The following RIPK3 variants were observed in gnomAD, a reference collection of about 807,000 sequenced individuals.
RIPK3 encodes the protein receptor-interacting serine/threonine-protein kinase 3.
RIPK3 carries 51 observed loss-of-function variants against 51.6 expected under a neutral mutation model. That is an observed-to-expected ratio of 0.99 (90% CI 0.79 to 1.25). RIPK3 has a LOEUF of 1.25. RIPK3 is among the 50% of genes most tolerant of loss of function. The probability of loss-of-function intolerance (pLI) is 0.00; values close to 1 mark genes in which losing one functional copy is unlikely to be tolerated. For missense variants in RIPK3, 654 were observed against 650.4 expected, an observed-to-expected ratio of 1.01 and a Z score of -0.06; for synonymous variants, 246 against 257.7, an observed-to-expected ratio of 0.95 and a Z score of 0.44.
In RIPK3 at chr14:24,337,690, C is replaced by G; in HGVS notation, c.900+5G>C. Reference sequence around the variant, plus strand: ...CTCCTGGGGAGGGGTGATGTTGGCACTCACCGTGGAGACAGCAGCATTCAT... The same window carrying G: ...CTCCTGGGGAGGGGTGATGTTGGCAGTCACCGTGGAGACAGCAGCATTCAT... On this transcript the variant is annotated splice_donor_5th_base_variant and intron_variant, in intron 7 of 9. Coordinates refer to ENST00000216274, the MANE Select transcript of RIPK3 (RefSeq NM_006871.4). 6.2e-7 allele frequency: 1 copy of G among 1,606,728 alleles called. No individual in the cohort carries two copies. Among genetic ancestry groups the G allele is most frequent in the Non-Finnish European group, 8.5e-7 (1 of 1,173,418 alleles).
chr14:24,336,960 G>C lies in RIPK3; in HGVS notation c.1276-15C>G. On this transcript the variant is annotated splice_polypyrimidine_tract_variant and intron_variant, in intron 8 of 9. Transcript: ENST00000216274. ...CTCTCAGCCCCCTGCAAACAGCACA[G>C]AGCATCCAGTTCTGCCCTGGAGCCT... 1.2e-6 allele frequency: 2 copies of C among 1,613,258 alleles called. No individual in the cohort carries two copies. Among genetic ancestry groups the C allele is most frequent in the Non-Finnish European group, 1.7e-6 (2 of 1,179,416 alleles).
chr14:24,338,341 C>A (rs746521654), intron 4 of RIPK3, 46 bp from the exon 5 acceptor site: 2 of 1,543,066 alleles, frequency 1.3e-6, no homozygotes, highest in Admixed American at 2.0e-5. Context: ...ACTGGCAAGA[C>A]TCCTTTCCTA....
chr14:24,338,234 C>G lies in RIPK3; in HGVS notation c.664+15G>C, dbSNP rs765518475. ...ACCTGGGGTTAAGGATCCCAGAATC[C>G]TCCTAGAGTCTTACACTCAACTTCT... On this transcript the variant is annotated intron_variant, in intron 5 of 9. Coordinates refer to ENST00000216274, the MANE Select transcript of RIPK3 (RefSeq NM_006871.4). 2.0e-6 allele frequency: 3 copies of G among 1,529,330 alleles called. No individual in the cohort carries two copies. Among genetic ancestry groups the G allele is most frequent in the Non-Finnish European group, 1.8e-6 (2 of 1,139,044 alleles). The allele number at this position is 1,529,330 out of a possible 1,614,324, so 94.7% of individuals were successfully genotyped here. A position where few individuals can be genotyped will look rare whatever the true frequency, so the allele number is the denominator to read the frequency against.
At position 24,338,419 on chromosome 14, in the gene RIPK3, T is replaced by C. The variant is rs2042157325; in HGVS notation, c.617+3A>G. On this transcript the variant is annotated splice_donor_region_variant and intron_variant, in intron 4 of 9. Transcript: ENST00000216274. Reference sequence around the variant, plus strand: ...GGCTGTGTGTTTGGGCCGGGATCCTTACCTGTAGACGTCACTGGCTGTGGA... The same window carrying C: ...GGCTGTGTGTTTGGGCCGGGATCCTCACCTGTAGACGTCACTGGCTGTGGA... The C allele has an allele frequency of 6.2e-7, 1 of 1,609,970 alleles. No homozygotes were observed. The highest frequency in any genetic ancestry group is 2.2e-5 in the East Asian group (1 of 44,766).
intron 9 of RIPK3, 145 bp from the exon 10 acceptor site, chr14:24,336,540 A>C: frequency 8.4e-7 from 1 of 1,190,730 alleles, no homozygotes; most frequent in East Asian, 2.5e-5. Context: ...TCCTCTCCAG[A>C]ATTGTGTTAG....
chr14:24,337,113 T>C lies in RIPK3; in HGVS notation c.1248A>G (p.Thr416=). 1 of 1,611,148 alleles carries C rather than the reference T, an allele frequency of 6.2e-7. No homozygotes were observed. The highest frequency in any genetic ancestry group is 8.5e-7 in the Non-Finnish European group (1 of 1,180,012). ...NQMPSPTSTG[T]PSPGPRGNQG... ...GATTCCCTCGGGGTCCAGGACTTGG[T>C]GTTCCAGTTGAGGTAGGGCTGGGCA... The change falls in exon 8 of 10, where the codon ACA becomes ACG. Residue 416 remains threonine, a synonymous_variant. Transcript: ENST00000216274.
Position 24,339,068 on chromosome 14 carries a change from G to A in RIPK3, c.418C>T (p.His140Tyr), listed in dbSNP as rs748258701. ...ACGTTGGATGGCTTGAGGTCCCGGT[G>A]CAGGAGCACCGGGTTCTGGTCGTGC... ...YLHDQNPVLL[H>Y]RDLKPSNVLL... The change falls in exon 3 of 10, where the codon CAC becomes TAC. Residue 140 changes from histidine (H) to tyrosine (Y), a missense_variant. By Grantham distance (83) the His-to-Tyr change is moderately conservative. Transcript: ENST00000216274. This position sits in a 1 kb window ranked among gnomAD's most constrained non-coding sequence, Gnocchi z 4.0. The A allele has an allele frequency of 1.2e-6, 2 of 1,614,206 alleles. No individual in the cohort carries two copies. Among genetic ancestry groups the A allele is most frequent in the Admixed American group, 3.3e-5 (2 of 60,032 alleles).
rs563544738 is a variant in RIPK3 at position 24,338,098 on chromosome 14, G to A, written c.665-58C>T. The A allele has an allele frequency of 4.3e-6, 7 of 1,612,408 alleles. No individual in the cohort carries two copies. The South Asian group carries it at 4.4e-5, about 10-fold the overall frequency. On this transcript the variant is annotated intron_variant, in intron 5 of 9. Transcript: ENST00000216274. ...CATTCAGGGTAAAAGGGAATTATCT[G>A]CTTCATCATGGAAAGAGGCAGGGAG... is the stretch of plus-strand genomic sequence containing the variant.
chr14:24,336,301 C>G lies in RIPK3; in HGVS notation c.1431G>C (p.Trp477Cys). The G allele has an allele frequency of 1.2e-6, 2 of 1,614,020 alleles. No individual in the cohort carries two copies. Among genetic ancestry groups the G allele is most frequent in the South Asian group, 1.1e-5 (1 of 91,084 alleles). ...TCCCCTTGCCCGAAGGTGCCAAGCCCCATGTGGGCAAGGCAGTTGTCTGTT... is the reference window on the plus strand; with the variant it reads ...TCCCCTTGCCCGAAGGTGCCAAGCCGCATGTGGGCAAGGCAGTTGTCTGTT... ...TMQQTTALPT[W>C]GLAPSGKGRG... is the part of the protein sequence containing the mutation. Residue 477 changes from tryptophan to cysteine, a missense_variant, in exon 10 of 10, where the codon TGG (tryptophan) becomes TGC (cysteine). Coordinates refer to ENST00000216274, the MANE Select transcript of RIPK3 (RefSeq NM_006871.4).
chr14:24,336,786 C>G, intron 9 of RIPK3, 99 bp downstream of exon 9: 2 of 1,100,080 alleles, frequency 1.8e-6, no homozygotes, highest in Non-Finnish European at 2.8e-6. Flanking sequence ...CATCTTCTCC[C>G]CTCCCCTCCA....
Position 24,337,205 on chromosome 14 carries a change from C to T in RIPK3, c.1156G>A (p.Gly386Ser). The change falls in exon 8 of 10, where the codon GGC becomes AGC. Residue 386 changes from glycine (G) to serine (S), a missense_variant. Coordinates refer to ENST00000216274, the MANE Select transcript of RIPK3 (RefSeq NM_006871.4). ...TGGGCCATCGAATCTGAAGATGTGC[C>T]TGCTGTCCAGGCTTGTGGAACCTGC... Reference protein sequence around the residue: ...EEQVPQAWTAGTSSDSMAQPP... With the variant: ...EEQVPQAWTASTSSDSMAQPP... 2.5e-6 allele frequency: 4 copies of T among 1,613,788 alleles called. No individual in the cohort carries two copies. Among genetic ancestry groups the T allele is most frequent in the African/African-American group, 1.3e-5 (1 of 75,036 alleles).
Position 24,339,229 on chromosome 14 carries a change from T to C in RIPK3, c.257A>G (p.Gln86Arg). 1 of 1,614,236 alleles carries C rather than the reference T, an allele frequency of 6.2e-7. No individual in the cohort carries two copies. Among genetic ancestry groups the C allele is most frequent in the Non-Finnish European group, 8.5e-7 (1 of 1,180,034 alleles). The change falls in exon 3 of 10, where the codon CAA (glutamine) becomes CGA (arginine). Residue 86 changes from glutamine (Q) to arginine (R), a missense_variant. Physicochemically the swap from Gln to Arg is conservative, Grantham distance 43 (BLOSUM62 1). Transcript: ENST00000216274. The surrounding 1 kb of genome is among the most constrained non-coding windows in gnomAD (Gnocchi z 4.0). ...EGVIEKVNWDQDPKPALVTKF... is the reference protein window; with the variant it reads ...EGVIEKVNWDRDPKPALVTKF... ...AGTCACCAGAGCCGGCTTGGGATCT[T>C]GGTCCCAGTTCACCTTCTCGATAAC... is the stretch of plus-strand genomic sequence containing the variant.
chr14:24,336,338 T>G lies in RIPK3; in HGVS notation c.1394A>C (p.Tyr465Ser). The G allele has an allele frequency of 1.9e-6, 3 of 1,613,888 alleles. No individual in the cohort carries two copies. Among genetic ancestry groups the G allele is most frequent in the Non-Finnish European group, 2.5e-6 (3 of 1,180,018 alleles). The change falls in exon 10 of 10, where the codon TAC (tyrosine) becomes TCC (serine). Residue 465 changes from tyrosine (Y) to serine (S), a missense_variant. Transcript: ENST00000216274. ...GGCAGTTGTCTGTTGCATAGTCAAG[T>G]AGTTGTTGTCTCCAACTTGCACCCC... ...CSGVQVGDNN[Y>S]LTMQQTTALP...
Position 24,336,115 on chromosome 14 carries a change from C to G in RIPK3, c.*60G>C. ...GACTGCCCTAGAAGGAAGTCAGGGG[C>G]CTCAAGGGGTGGCACTCTTCCTTAA... On this transcript the variant is annotated 3_prime_UTR_variant, in exon 10 of 10. Transcript: ENST00000216274. The G allele has an allele frequency of 6.4e-7, 1 of 1,550,762 alleles. No individual in the cohort carries two copies. Among genetic ancestry groups the G allele is most frequent in the Admixed American group, 1.8e-5 (1 of 54,680 alleles).
chr14:24,339,413 C>T lies in RIPK3; in HGVS notation c.161+44G>A, dbSNP rs1311383307. 3 of 1,613,888 alleles carry T rather than the reference C, an allele frequency of 1.9e-6. No individual in the cohort carries two copies. Among genetic ancestry groups the T allele is most frequent in the Non-Finnish European group, 2.5e-6 (3 of 1,179,800 alleles). On this transcript the variant is annotated intron_variant, in intron 2 of 9. Coordinates refer to ENST00000216274, the MANE Select transcript of RIPK3 (RefSeq NM_006871.4). The surrounding 1 kb of genome is among the most constrained non-coding windows in gnomAD (Gnocchi z 4.0). ...CAGGCCCCAGAGCACAGTGGCTCCA[C>T]CTTTTTGGCCAGATTGCGGCTGGGG...
chr14:24,337,991 G>A lies in RIPK3; in HGVS notation c.714C>T (p.Asn238=). 2 of 1,614,238 alleles carry A rather than the reference G, an allele frequency of 1.2e-6. No individual in the cohort carries two copies. Among genetic ancestry groups the A allele is most frequent in the Non-Finnish European group, 1.7e-6 (2 of 1,180,046 alleles). Residue 238 remains asparagine (N), a synonymous_variant, in exon 6 of 10, where the codon AAC becomes AAT. Coordinates refer to ENST00000216274, the MANE Select transcript of RIPK3 (RefSeq NM_006871.4). ...GGGGCAGCTCAGCCAATGAAGGCCGGTTCTGCCTGTTGCACACTGCTTCGT... is the reference window on the plus strand; with the variant it reads ...GGGGCAGCTCAGCCAATGAAGGCCGATTCTGCCTGTTGCACACTGCTTCGT... ...LVYEAVCNRQ[N]RPSLAELPQA... is the part of the protein sequence containing the mutation.
chr14:24,337,375 C>T lies in RIPK3; in HGVS notation c.986G>A (p.Gly329Asp). Residue 329 changes from glycine (G) to aspartate (D), a missense_variant, in exon 8 of 10, where the codon GGC (glycine) becomes GAC (aspartate). Physicochemically the swap from Gly to Asp is moderately conservative, Grantham distance 94 (BLOSUM62 -1). Transcript: ENST00000216274. Reference protein sequence around the residue: ...ESGQGGTEMDGFRRTIENQHS... With the variant: ...ESGQGGTEMDDFRRTIENQHS... ...CTGGTTTTCTATGGTTCTCCTAAAG[C>T]CATCCATTTCTGTCCCTCCTTGGCC... is the stretch of plus-strand genomic sequence containing the variant. 6.2e-7 allele frequency: 1 copy of T among 1,614,062 alleles called. No individual in the cohort carries two copies. The highest frequency in any genetic ancestry group is 8.5e-7 in the Non-Finnish European group (1 of 1,180,042).
chr14:24,336,443 G>C (rs1240256214), intron 9 of RIPK3, 48 bp from the exon 10 acceptor site: 17 of 1,588,742 alleles, frequency 1.1e-5, no homozygotes, highest in Non-Finnish European at 1.5e-5. Flanking sequence ...CTGTCAGAAA[G>C]GCCAAGTTGG....
Position 24,339,786 on chromosome 14 carries a change from GACATGCCACTCCCT to G in RIPK3, c.20+7_20+20del. On this transcript the variant is annotated splice_region_variant and intron_variant, in intron 1 of 9. Transcript: ENST00000216274. The surrounding 1 kb of genome is among the most constrained non-coding windows in gnomAD (Gnocchi z 4.0). The stretch of plus-strand genomic sequence containing the variant: ...GGTGTGAATGTCGGAGGCTGCGATC[GACATGCCACTCCCT>G]ACTCACCATAACTTGACGCACGACA... The G allele has an allele frequency of 1.3e-6, 2 of 1,573,974 alleles. No individual in the cohort carries two copies. Among genetic ancestry groups the G allele is most frequent in the Non-Finnish European group, 1.7e-6 (2 of 1,160,526 alleles).
Sources: gnomAD v4.1 joint callset for allele counts on GRCh38, gnomAD v4.1.1 for gene constraint, Gnocchi (gnomAD v3.1) non-coding constraint, MANE v1.5 for transcripts, NCBI Gene and HGNC (gene_info 2026-07-23, HGNC 2026-07-21) for gene names.